MAP3K4: variants seen among roughly 807,000 people sequenced by gnomAD.
MAP3K4 encodes MAP three kinase 1.
Under a neutral mutation model 185.6 loss-of-function variants are expected in MAP3K4, and 67 were observed. The ratio of observed to expected loss-of-function variants is 0.36; its 90% CI spans 0.30 to 0.44. The LOEUF (loss-of-function observed/expected upper bound fraction) is 0.44, where lower values mean the gene tolerates loss of function less well. Among genes scored for constraint, MAP3K4 ranks in the 20% least tolerant of loss-of-function variants. The probability of loss-of-function intolerance (pLI) is 1.00; values close to 1 mark genes in which losing one functional copy is unlikely to be tolerated. For synonymous variants in MAP3K4, 702 were observed against 710.4 expected (o/e 0.99, Z 0.19); for missense variants, 1,551 against 1,995.1 (o/e 0.78, Z 4.24).
chr6:161,024,707 C>T (rs548999960), intron 1 of MAP3K4, among the ~76,000 whole-genome samples: 1 of 152,240 alleles, frequency 6.6e-6, no homozygotes, highest in South Asian at 2.1e-4. Flanking sequence ...CATATCATAT[C>T]AGGGGCACGT....
Position 161,072,947 on chromosome 6 carries a change from C to T in MAP3K4, c.1951-519C>T, listed in dbSNP as rs571572137. Among the ~76,000 whole-genome samples, 20 of 151,834 alleles carry T rather than the reference C, an allele frequency of 1.3e-4. 1 individual carries two copies. Among genetic ancestry groups the T allele is most frequent in the South Asian group, 8.4e-4 (4 of 4,770 alleles). On this transcript the variant is annotated intron_variant, in intron 4 of 26. Transcript: ENST00000392142. ...CTAATTCCATCACATAATATTAAGT[C>T]GGTTGGTTGGTTTTGGTGGTCATTA...
chr6:161,102,968 C>G (rs1236114944), intron 19 of MAP3K4, among the ~76,000 whole-genome samples, 189 bp downstream of exon 19: 1 of 152,130 alleles, frequency 6.6e-6, no homozygotes. Context: ...TTTCCTATTT[C>G]TAGTAACAAA....
chr6:161,005,869 CCTCTGCCTCCGAGGTT>C (rs67848990), intron 1 of MAP3K4, among the ~76,000 whole-genome samples: 10,026 of 151,964 alleles, frequency 0.066, 316 homozygotes, highest in Middle Eastern at 0.092. Context: ...CTCACTGCAA[CCTCTGCCTCCGAGGTT>C]CAAGCAATTC....
At chr6:161,003,748 A>G (rs1015014357) in intron 1 of MAP3K4, among the ~76,000 whole-genome samples, 6 of 152,182 alleles carry the variant, frequency 3.9e-5, no homozygotes, top group Non-Finnish European at 5.9e-5. Context: ...GAAAGATCCA[A>G]TGAGATTTCA....
At chr6:161,010,560 C>T (rs745735670) in intron 1 of MAP3K4, among the ~76,000 whole-genome samples, 3 of 152,100 alleles carry the variant, frequency 2.0e-5, no homozygotes, top group Non-Finnish European at 4.4e-5. Flanking sequence ...CCTACTTAGT[C>T]CAAGTTTATT....
intron 13 of MAP3K4, 93 bp from the exon 14 acceptor site, chr6:161,092,885 T>C (rs1008501223): frequency 2.8e-6 from 2 of 714,852 alleles, no homozygotes; most frequent in Non-Finnish European, 2.4e-6. Flanking sequence ...AAATAGTAAT[T>C]ATAATTATGT....
intron 2 of MAP3K4, among the ~76,000 whole-genome samples, chr6:161,035,318 A>C (rs1783115900): frequency 6.6e-6 from 1 of 151,662 alleles, no homozygotes; most frequent in Non-Finnish European, 1.5e-5. Flanking sequence ...ACTCATTTCT[A>C]CCTCTCCCTT....
intron 1 of MAP3K4, among the ~76,000 whole-genome samples, chr6:160,995,508 C>T (rs917358863): frequency 6.6e-6 from 1 of 152,186 alleles, no homozygotes; most frequent in East Asian, 1.9e-4. Context: ...TGTGTGCTTT[C>T]CTCCTGACCC....
At position 161,081,992 on chromosome 6, in the gene MAP3K4, T is replaced by C. The variant is rs144240142; in HGVS notation, c.2255+954T>C. Among the ~76,000 whole-genome samples the C allele has an allele frequency of 5.8e-3, 885 of 152,304 alleles. 5 individuals carry two copies. Among genetic ancestry groups the C allele is most frequent in the Middle Eastern group, 0.031 (9 of 294 alleles). ...CTCCTGGTCCCGTCAGCGTGACTTCTGCAGGACTCTAGCTTTAGCTTTGTT... is the reference window on the plus strand; with the variant it reads ...CTCCTGGTCCCGTCAGCGTGACTTCCGCAGGACTCTAGCTTTAGCTTTGTT... On this transcript the variant is annotated intron_variant, in intron 6 of 26. Coordinates refer to ENST00000392142, the MANE Select transcript of MAP3K4 (RefSeq NM_005922.4).
In MAP3K4 at chr6:161,098,477, CT is replaced by C. The variant is rs890383504; in HGVS notation, c.3674+52del. 7 of 1,570,410 alleles carry C rather than the reference CT, an allele frequency of 4.5e-6. No individual in the cohort carries two copies. In the Admixed American group the frequency reaches 1.1e-4, roughly 24 times the overall value. ...GTACCCTCACCACCCCTTACATGCG[CT>C]TACACAGCAACCATAGTGTTAGGGT... On this transcript the variant is annotated intron_variant, in intron 17 of 26. Coordinates refer to ENST00000392142, the MANE Select transcript of MAP3K4 (RefSeq NM_005922.4). This position sits in a 1 kb window ranked among gnomAD's most constrained non-coding sequence, Gnocchi z 4.4.
rs185565619 is a variant in MAP3K4 at position 160,998,434 on chromosome 6, C to T, written c.152+6351C>T. On this transcript the variant is annotated intron_variant, in intron 1 of 26. Transcript: ENST00000392142. ...TCAGAGAGCCTAAATTCTTAACTAG[C>T]TCATTTATAATTTTAAGTTTCTTTA... is the stretch of plus-strand genomic sequence containing the variant. 3.9e-5 allele frequency among the ~76,000 whole-genome samples: 6 copies of T among 152,238 alleles called. No homozygotes were observed. The East Asian group carries it at 1.2e-3, about 29-fold the overall frequency.
At chr6:161,030,368 T>C (rs902770739) in intron 1 of MAP3K4, among the ~76,000 whole-genome samples, 16 of 152,106 alleles carry the variant, frequency 1.1e-4, no homozygotes, top group Admixed American at 3.9e-4. Context: ...TCTACTTGAG[T>C]CATTTCTGGT....
intron 2 of MAP3K4, among the ~76,000 whole-genome samples, chr6:161,039,407 C>G (rs574847896): frequency 6.6e-6 from 1 of 151,860 alleles, no homozygotes; most frequent in African/African-American, 2.4e-5. Flanking sequence ...GCTATGGTAG[C>G]CATGCTCATG....
At position 161,098,359 on chromosome 6, in the gene MAP3K4, C is replaced by T; in HGVS notation, c.3606C>T (p.Ala1202=). 1 of 1,613,540 alleles carries T rather than the reference C, an allele frequency of 6.2e-7. No individual in the cohort carries two copies. Among genetic ancestry groups the T allele is most frequent in the Non-Finnish European group, 8.5e-7 (1 of 1,179,918 alleles). ...CTGCTGCTGCTGCTGCTGTTGCTGC[C>T]AGTCGGCCCAGCCCCTCTGGTGGTG... ...AAAAAAAAVA[A]SRPSPSGGDS... is the part of the protein sequence containing the mutation. The change falls in exon 17 of 27, where the codon GCC becomes GCT. Residue 1202 remains alanine (A), a synonymous_variant. Transcript: ENST00000392142. The surrounding 1 kb of genome is among the most constrained non-coding windows in gnomAD (Gnocchi z 4.4).
At chr6:160,997,526 C>T (rs1781056227) in intron 1 of MAP3K4, among the ~76,000 whole-genome samples, 1 of 152,134 alleles carries the variant, frequency 6.6e-6, no homozygotes, top group South Asian at 2.1e-4. Context: ...GGGGTGGTAC[C>T]TGAGTAGCTC....
In MAP3K4 at chr6:161,073,700, C is replaced by CT; in HGVS notation, c.2097+88_2097+89insT. 1.5e-6 allele frequency: 2 copies of CT among 1,334,954 alleles called. No homozygotes were observed. The highest frequency in any genetic ancestry group is 2.1e-6 in the Non-Finnish European group (2 of 975,266). The allele number at this position is 1,334,954 out of a possible 1,614,324, so 82.7% of individuals were successfully genotyped here. A position where few individuals can be genotyped will look rare whatever the true frequency, so the allele number is the denominator to read the frequency against. ...CTGTATTTCCTTGTTTTGCAAACAG[C>CT]GTTGGCATACATATTCAGATAAACT... On this transcript the variant is annotated intron_variant, in intron 5 of 26. Transcript: ENST00000392142. This position sits in a 1 kb window ranked among gnomAD's most constrained non-coding sequence, Gnocchi z 4.2.
At chr6:160,992,150 G>C (rs1780743661) in intron 1 of MAP3K4, 67 bp downstream of exon 1, 1 of 1,433,360 alleles carries the variant, frequency 7.0e-7, no homozygotes, top group Non-Finnish European at 9.1e-7. Flanking sequence ...AACTCGGTCG[G>C]GCCCGAGGGC....
At position 161,080,849 on chromosome 6, in the gene MAP3K4, C is replaced by T. The variant is rs755136465; in HGVS notation, c.2098-32C>T. 6.2e-7 allele frequency: 1 copy of T among 1,607,010 alleles called. No homozygotes were observed. Among genetic ancestry groups the T allele is most frequent in the Admixed American group, 1.7e-5 (1 of 59,634 alleles). On this transcript the variant is annotated intron_variant, in intron 5 of 26. Coordinates refer to ENST00000392142, the MANE Select transcript of MAP3K4 (RefSeq NM_005922.4). This position sits in a 1 kb window ranked among gnomAD's most constrained non-coding sequence, Gnocchi z 4.8. ...GCGCTGAGTTGCCAAGTTCTACTTT[C>T]AAATGTCTCCCTTTACTTTTTGTGT...
chr6:161,110,386 T>TTTCAACCTGAAA lies in MAP3K4; in HGVS notation c.4396+472_4396+473insTTCAACCTGAAA, dbSNP rs1562548570. The stretch of plus-strand genomic sequence containing the variant: ...TTACACAAACCTTGAAATTGAGTTC[T>TTTCAACCTGAAA]GCTGAAGGTTATTTTGGCCATGCTG... On this transcript the variant is annotated intron_variant, in intron 23 of 26. Coordinates refer to ENST00000392142, the MANE Select transcript of MAP3K4 (RefSeq NM_005922.4). The surrounding 1 kb of genome is among the most constrained non-coding windows in gnomAD (Gnocchi z 4.8). Among the ~76,000 whole-genome samples, 2 of 152,244 alleles carry TTTCAACCTGAAA rather than the reference T, an allele frequency of 1.3e-5. No individual in the cohort carries two copies. The highest frequency in any genetic ancestry group is 2.4e-5 in the African/African-American group (1 of 41,458).
Sources: allele counts gnomAD v4.1 joint callset (sites outside exome capture counted in the v4.1 genomes callset), GRCh38; gene constraint gnomAD v4.1.1; non-coding constraint Gnocchi (gnomAD v3.1); transcripts MANE v1.5; gene names NCBI Gene and HGNC (gene_info 2026-07-23, HGNC 2026-07-21).